Variants in ABCG8 observed in about 807,000 individuals in gnomAD.
ABCG8 encodes ATP-binding cassette sub-family G member 8.
ABCG8 carries 81 observed loss-of-function variants against 71.3 expected under a neutral mutation model. The ratio of observed to expected loss-of-function variants is 1.14; its 90% CI spans 0.95 to 1.37. The LOEUF (loss-of-function observed/expected upper bound fraction) is 1.37, where lower values mean the gene tolerates loss of function less well. ABCG8 is among the 40% of genes most tolerant of loss of function. The pLI, the probability that ABCG8 is intolerant of heterozygous loss-of-function variation, is 0.00. For missense variants in ABCG8, 1,119 were observed against 866.2 expected (o/e 1.29, Z -3.66); for synonymous variants, 451 against 354.7 (o/e 1.27, Z -3.05).
intron 6 of ABCG8, among the ~76,000 whole-genome samples, chr2:43,867,061 T>C (rs1480934697): frequency 1.3e-5 from 2 of 151,848 alleles, no homozygotes; most frequent in East Asian, 3.9e-4. Context: ...ATGGATGAAA[T>C]TGGAAATCAT....
At chr2:43,867,546 TCTCA>T (rs1244244184) in intron 6 of ABCG8, among the ~76,000 whole-genome samples, 2 of 151,858 alleles carry the variant, frequency 1.3e-5, no homozygotes, top group African/African-American at 4.8e-5. Flanking sequence ...TGCATGGAAC[TCTCA>T]CTATCTGTCC....
At chr2:43,863,692 C>T (rs1266263593) in intron 6 of ABCG8, among the ~76,000 whole-genome samples, 2 of 151,546 alleles carry the variant, frequency 1.3e-5, no homozygotes, top group Admixed American at 6.6e-5. Flanking sequence ...ATAGAACTCT[C>T]ACTATCTGTC....
intron 1 of ABCG8, among the ~76,000 whole-genome samples, chr2:43,844,208 C>A (rs187972346): frequency 6.6e-6 from 1 of 152,228 alleles, no homozygotes; most frequent in Non-Finnish European, 1.5e-5. Context: ...GAGTCTGGGT[C>A]TCTTTACCAG....
rs543057714 is a variant in ABCG8, at chr2:43,865,562, G to C, written c.965-6414G>C. On this transcript the variant is annotated intron_variant, in intron 6 of 12. Coordinates refer to ENST00000272286, the MANE Select transcript of ABCG8 (RefSeq NM_022437.3). Reference sequence around the variant, plus strand: ...ATCTGGATAGAATTCTCACCCTCTAGATAGAACTCTCACTATCTGGATAGA... The same window carrying C: ...ATCTGGATAGAATTCTCACCCTCTACATAGAACTCTCACTATCTGGATAGA... Among the ~76,000 whole-genome samples, 3 of 140,090 alleles carry C rather than the reference G, an allele frequency of 2.1e-5. No homozygotes were observed. The East Asian group carries it at 5.9e-4, about 27-fold the overall frequency. The allele number at this position is 140,090 out of a possible 152,430, so 91.9% of individuals were successfully genotyped here.
At chr2:43,844,857 A>G (rs911558140) in intron 2 of ABCG8, among the ~76,000 whole-genome samples, 1 of 152,184 alleles carries the variant, frequency 6.6e-6, no homozygotes, top group East Asian at 1.9e-4. Context: ...GCGTGAACCT[A>G]TAGAAAAATG....
At chr2:43,848,360 T>A (rs1021188690) in intron 3 of ABCG8, 13 of 152,168 alleles carry the variant, frequency 8.5e-5, no homozygotes, top group Admixed American at 6.5e-4. Context: ...GGTGATGTGA[T>A]CAGGTGTTGG....
chr2:43,860,285 A>T (rs1447819959), intron 6 of ABCG8, among the ~76,000 whole-genome samples: 1 of 141,736 alleles, frequency 7.1e-6, no homozygotes, highest in African/African-American at 2.6e-5. Context: ...GAATTCTTAC[A>T]CTCTGGATAG....
chr2:43,876,202 C>T (rs1669953945), intron 11 of ABCG8, among the ~76,000 whole-genome samples: 1 of 152,218 alleles, frequency 6.6e-6, no homozygotes, highest in African/African-American at 2.4e-5. Context: ...TGCTATGGAT[C>T]AAATGTGTGG....
At position 43,875,501 on chromosome 2, in the gene ABCG8, T is replaced by C. The variant is rs1046938863; in HGVS notation, c.1756+88T>C. On this transcript the variant is annotated intron_variant, in intron 11 of 12. Coordinates refer to ENST00000272286, the MANE Select transcript of ABCG8 (RefSeq NM_022437.3). The stretch of plus-strand genomic sequence containing the variant: ...GCTTTCATCTGGAGATGGACACTTA[T>C]CACTTAGATCCAACTCGAGGCTGGC... 2.0e-6 allele frequency: 3 copies of C among 1,505,048 alleles called. No individual in the cohort carries two copies. In the African/African-American group the frequency reaches 4.1e-5, roughly 21 times the overall value. 93.2% of individuals were successfully genotyped at this position (1,505,048 alleles called of 1,614,324 possible). A position where few individuals can be genotyped will look rare whatever the true frequency, so the allele number is the denominator to read the frequency against.
chr2:43,848,120 TAAA>T (rs976437780), intron 3 of ABCG8: 5 of 151,388 alleles, frequency 3.3e-5, no homozygotes, highest in Non-Finnish European at 7.4e-5. Flanking sequence ...CTTGCCTGTG[TAAA>T]AAAAACAAAA....
intron 6 of ABCG8, among the ~76,000 whole-genome samples, chr2:43,854,261 G>A (rs974759218): frequency 4.6e-5 from 7 of 152,174 alleles, no homozygotes; most frequent in African/African-American, 1.4e-4. Context: ...CTACAGTGCT[G>A]CACACTAGGG....
Position 43,846,210 on chromosome 2 carries a change from C to T in ABCG8, c.221C>T (p.Pro74Leu). ...GAGCAGCTGGCTCAGTTCAAGATGC[C>T]CTGGACATCTCCCAGCTGCCAGAAT... is the stretch of plus-strand genomic sequence containing the variant. ...WFEQLAQFKM[P>L]WTSPSCQNSC... is the part of the protein sequence containing the mutation. The change falls in exon 3 of 13, where the codon CCC becomes CTC. Residue 74 changes from proline (P) to leucine (L), a missense_variant. By Grantham distance (98) the Pro-to-Leu change is moderately conservative (BLOSUM62 -3). Transcript: ENST00000272286. The T allele has an allele frequency of 6.2e-7, 1 of 1,614,100 alleles. No homozygotes were observed. Among genetic ancestry groups the T allele is most frequent in the Non-Finnish European group, 8.5e-7 (1 of 1,180,022 alleles).
In ABCG8 at chr2:43,872,232, C is replaced by T. The variant is rs1444269405; in HGVS notation, c.1137C>T (p.Thr379=). The T allele has an allele frequency of 1.2e-6, 2 of 1,614,014 alleles. No homozygotes were observed. The highest frequency in any genetic ancestry group is 1.7e-6 in the Non-Finnish European group (2 of 1,180,038). Residue 379 remains threonine (T), a synonymous_variant, in exon 8 of 13, where the codon ACC becomes ACT. Coordinates refer to ENST00000272286, the MANE Select transcript of ABCG8 (RefSeq NM_022437.3). ...ATCTTCTGCCTCCCAGCAGCGTGACCCCACTAGACACCAACTGCCTCCCGA... is the reference window on the plus strand; with the variant it reads ...ATCTTCTGCCTCCCAGCAGCGTGACTCCACTAGACACCAACTGCCTCCCGA... ...DEDTCVESSV[T]PLDTNCLPSP... is the part of the protein sequence containing the mutation.
At chr2:43,859,256 C>T (rs1357361377) in intron 6 of ABCG8, among the ~76,000 whole-genome samples, 1 of 147,916 alleles carries the variant, frequency 6.8e-6, no homozygotes, top group East Asian at 2.1e-4. Context: ...ACTCTGGATA[C>T]AACTCTCACT....
At chr2:43,856,658 ACT>A (rs1669118419) in intron 6 of ABCG8, among the ~76,000 whole-genome samples, 1 of 151,224 alleles carries the variant, frequency 6.6e-6, no homozygotes. Flanking sequence ...TCTGGGTAGA[ACT>A]CTCTATCTAT....
chr2:43,852,769 G>A lies in ABCG8; in HGVS notation c.865G>A (p.Gly289Ser), dbSNP rs1157986444. ...TGATCTGGTCCTCCTGATGACGTCTGGCACCCCCATCTACTTAGGGGCGGC... is the reference window on the plus strand; with the variant it reads ...TGATCTGGTCCTCCTGATGACGTCTAGCACCCCCATCTACTTAGGGGCGGC... The part of the protein sequence containing the change: ...LFDLVLLMTS[G>S]TPIYLGAAQH... The change falls in exon 6 of 13, where the codon GGC becomes AGC. Residue 289 changes from glycine to serine, a missense_variant. Gly to Ser is a moderately conservative substitution (Grantham distance 56). Transcript: ENST00000272286. The A allele has an allele frequency of 1.9e-6, 3 of 1,614,116 alleles. No homozygotes were observed. Among genetic ancestry groups the A allele is most frequent in the Admixed American group, 3.3e-5 (2 of 60,030 alleles).
chr2:43,845,096 G>GTATATA lies in ABCG8; in HGVS notation c.165+489_165+490insATATAT, dbSNP rs1286671437. On this transcript the variant is annotated intron_variant, in intron 2 of 12. Coordinates refer to ENST00000272286, the MANE Select transcript of ABCG8 (RefSeq NM_022437.3). ...TATATATATATGTGTGTGTGTGTGT[G>GTATATA]TGTATATATATATATATATATATAA... Among the ~76,000 whole-genome samples the GTATATA allele has an allele frequency of 6.7e-5, 9 of 134,762 alleles. No homozygotes were observed. The South Asian group carries it at 6.7e-4, about 10-fold the overall frequency. The allele number at this position is 134,762 out of a possible 152,430, so 88.4% of individuals were successfully genotyped here.
At chr2:43,856,661 CTCTA>C (rs575437516) in intron 6 of ABCG8, among the ~76,000 whole-genome samples, 72 of 152,126 alleles carry the variant, frequency 4.7e-4, no homozygotes, top group African/African-American at 1.6e-3. Context: ...GGGTAGAACT[CTCTA>C]TCTATCTGGA....
chr2:43,864,211 G>T (rs1425012419), intron 6 of ABCG8, among the ~76,000 whole-genome samples: 1 of 146,856 alleles, frequency 6.8e-6, no homozygotes, highest in African/African-American at 2.5e-5. Context: ...GAATTCCCAC[G>T]ATCTGGATAG....
Sources: gnomAD v4.1 joint callset for allele counts (sites outside exome capture counted in the v4.1 genomes callset) on GRCh38, gnomAD v4.1.1 for gene constraint, MANE v1.5 for transcripts, NCBI Gene and HGNC (gene_info 2026-07-23, HGNC 2026-07-21) for gene names.